CEP128: variants seen among roughly 807,000 people sequenced by gnomAD.
CEP128 encodes centrosomal protein 128.
CEP128 carries 132 observed loss-of-function variants against 156.7 expected under a neutral mutation model. The observed-to-expected ratio is 0.84, with a 90% CI of 0.73 to 0.97. CEP128 has a LOEUF of 0.97. Among genes scored for constraint, CEP128 ranks in the 50% least tolerant of loss-of-function variants. The pLI is 0.00. For missense variants in CEP128, 1,252 were observed against 1,281.9 expected (o/e 0.98, Z 0.36); for synonymous variants, 469 against 448.9 (o/e 1.04, Z -0.57).
chr14:80,762,880 G>A (rs981799928), intron 16 of CEP128, among the ~76,000 whole-genome samples: 1 of 152,068 alleles, frequency 6.6e-6, no homozygotes, highest in Non-Finnish European at 1.5e-5. Context: ...GTAAACCTAG[G>A]AACTGGAATT....
chr14:80,792,910 A>T lies in CEP128; in HGVS notation c.1410T>A (p.Ala470=), dbSNP rs45535733. ...RYLSELQQSE[A]LKEEAEKRRE... ...TCCTCTTCTCCGCCTCCTCTTTCAG[A>T]GCCTCTGACTGCTGGAGCTCACTGA... Residue 470 remains alanine, a synonymous_variant, in exon 14 of 25, where the codon GCT becomes GCA. Coordinates refer to ENST00000555265, the MANE Select transcript of CEP128 (RefSeq NM_152446.5). 0.058 allele frequency: 94,114 copies of T among 1,614,082 alleles called. 3,115 individuals are homozygous for T. Among genetic ancestry groups the T allele is most frequent in the Non-Finnish European group, 0.068 (80,284 of 1,180,016 alleles).
chr14:80,681,830 A>G (rs1481564797), intron 19 of CEP128, among the ~76,000 whole-genome samples: 1 of 152,206 alleles, frequency 6.6e-6, no homozygotes, highest in Admixed American at 6.5e-5. Flanking sequence ...ACAGTCTAAT[A>G]CAGTGAGTCA....
At chr14:80,559,475 G>T (rs1257458092) in intron 20 of CEP128, among the ~76,000 whole-genome samples, 173 bp from the exon 21 acceptor site, 1 of 152,102 alleles carries the variant, frequency 6.6e-6, no homozygotes, top group Non-Finnish European at 1.5e-5. Flanking sequence ...AGTCATCAAA[G>T]AATGAATGTA....
chr14:80,498,977 A>G (rs1594912907), intron 24 of CEP128, among the ~76,000 whole-genome samples: 2 of 152,334 alleles, frequency 1.3e-5, no homozygotes, highest in South Asian at 4.1e-4. Flanking sequence ...CAATTATTTA[A>G]AAATATCCGG....
intron 19 of CEP128, among the ~76,000 whole-genome samples, chr14:80,646,133 A>G (rs1459736579): frequency 2.0e-5 from 3 of 152,142 alleles, no homozygotes; most frequent in Non-Finnish European, 1.5e-5. Flanking sequence ...TAAATGCTTC[A>G]TTACATATCT....
intron 13 of CEP128, among the ~76,000 whole-genome samples, chr14:80,819,584 T>C (rs1885056150): frequency 6.6e-6 from 1 of 152,170 alleles, no homozygotes; most frequent in Non-Finnish European, 1.5e-5. Context: ...ATCTCATTCA[T>C]GAAGACAGCC....
chr14:80,854,169 CA>C (rs1289606022), intron 9 of CEP128, among the ~76,000 whole-genome samples: 1 of 151,982 alleles, frequency 6.6e-6, no homozygotes, highest in African/African-American at 2.4e-5. Context: ...GATCAGATGG[CA>C]AAAACTTAAA....
chr14:80,530,712 C>G, intron 22 of CEP128, 97 bp downstream of exon 22: 1 of 777,560 alleles, frequency 1.3e-6, no homozygotes. Context: ...TTTTTTGGTC[C>G]TTCTTCCTTT....
chr14:80,535,433 T>C (rs1406934820), intron 21 of CEP128, among the ~76,000 whole-genome samples: 1 of 152,238 alleles, frequency 6.6e-6, no homozygotes, highest in Non-Finnish European at 1.5e-5. Context: ...AACTTCCCTC[T>C]AGCTATCAAC....
At chr14:80,678,054 ATATATATATG>A (rs1169993560) in intron 19 of CEP128, among the ~76,000 whole-genome samples, 2 of 56,932 alleles carry the variant, frequency 3.5e-5, no homozygotes, top group South Asian at 6.3e-4. Context: ...AAAAAAATAT[ATATATATATG>A]TATATATATA....
At chr14:80,781,840 G>C (rs1901137298) in intron 15 of CEP128, among the ~76,000 whole-genome samples, 1 of 152,146 alleles carries the variant, frequency 6.6e-6, no homozygotes. Context: ...TGAGAATTAT[G>C]GCCTTACAGA....
intron 19 of CEP128, among the ~76,000 whole-genome samples, chr14:80,701,893 ATGGGTGC>A (rs1897087938): frequency 1.3e-5 from 2 of 152,146 alleles, no homozygotes; most frequent in Admixed American, 1.3e-4. Flanking sequence ...ATGCCTTTGC[ATGGGTGC>A]TTCTCTCTGG....
chr14:80,571,435 C>T (rs956513951), intron 20 of CEP128, among the ~76,000 whole-genome samples: 3 of 152,132 alleles, frequency 2.0e-5, no homozygotes, highest in African/African-American at 4.8e-5. Context: ...TATTAACATG[C>T]TAATAAGCCT....
At chr14:80,879,268 G>T (rs187639976) in intron 8 of CEP128, among the ~76,000 whole-genome samples, 16 of 152,018 alleles carry the variant, frequency 1.1e-4, no homozygotes, top group African/African-American at 3.1e-4. Flanking sequence ...AATTAACACA[G>T]GGACACACAA....
chr14:80,629,977 A>T (rs11159468), intron 19 of CEP128, among the ~76,000 whole-genome samples: 1 of 151,716 alleles, frequency 6.6e-6, no homozygotes, highest in African/African-American at 2.4e-5. Flanking sequence ...GAATTCATGT[A>T]GCTTGTAAGT....
intron 19 of CEP128, among the ~76,000 whole-genome samples, chr14:80,690,804 T>C (rs1896696891): frequency 6.6e-6 from 1 of 152,160 alleles, no homozygotes; most frequent in Non-Finnish European, 1.5e-5. Context: ...ATCATTTCAT[T>C]ATATATGAAA....
intron 19 of CEP128, among the ~76,000 whole-genome samples, chr14:80,637,507 T>C (rs184462449): frequency 6.6e-6 from 1 of 152,378 alleles, no homozygotes; most frequent in Admixed American, 6.5e-5. Context: ...GTTTGCTTTT[T>C]TGCCTACCAA....
At chr14:80,815,293 G>T (rs1221783380) in intron 13 of CEP128, among the ~76,000 whole-genome samples, 1 of 152,082 alleles carries the variant, frequency 6.6e-6, no homozygotes, top group Non-Finnish European at 1.5e-5. Flanking sequence ...AGACATACAT[G>T]GCCAACAAGC....
rs781736180 is a variant in CEP128 at position 80,761,575 on chromosome 14, C to CCTCCTTAAGTG, written c.2404_2414dup (p.Arg805SerfsTer3). On this transcript the variant is annotated stop_gained and frameshift_variant, in exon 17 of 25. Coordinates refer to ENST00000555265, the MANE Select transcript of CEP128 (RefSeq NM_152446.5). LOFTEE classifies it high-confidence loss of function. The stretch of plus-strand genomic sequence containing the variant: ...TGAGCTGCAATCTGGCCTCTTCCAT[C>CCTCCTTAAGTG]CTCCTTAAGTGCTCCTCTTCAATGC... 1 of 1,611,062 alleles carries CCTCCTTAAGTG rather than the reference C, an allele frequency of 6.2e-7. No individual in the cohort carries two copies. Among genetic ancestry groups the CCTCCTTAAGTG allele is most frequent in the South Asian group, 1.1e-5 (1 of 90,606 alleles).
Sources: gnomAD v4.1 joint callset for allele counts (sites outside exome capture counted in the v4.1 genomes callset) on GRCh38, gnomAD v4.1.1 for gene constraint, MANE v1.5 for transcripts, NCBI Gene and HGNC (gene_info 2026-07-23, HGNC 2026-07-21) for gene names.